The following ADCY1 variants were observed in gnomAD, a reference collection of about 807,000 sequenced individuals.
ADCY1 encodes adenylate cyclase 1, also known as adenylate cyclase type 1.
Under a neutral mutation model 105.4 loss-of-function variants are expected in ADCY1, and 28 were observed. That is an observed-to-expected ratio of 0.27 (90% CI 0.20 to 0.36). The LOEUF is 0.36. ADCY1 is among the 10% of genes least tolerant of loss of function. The probability of loss-of-function intolerance (pLI) is 1.00; values close to 1 mark genes in which losing one functional copy is unlikely to be tolerated. For synonymous variants in ADCY1, 655 were observed against 623.8 expected (o/e 1.05, Z -0.75); for missense variants, 977 against 1,434.2 (o/e 0.68, Z 5.15).
rs1019616508 is a variant in ADCY1, at chr7:45,575,410, G to T, written c.639+228G>T. Among the ~76,000 whole-genome samples, 2 of 152,272 alleles carry T rather than the reference G, an allele frequency of 1.3e-5. No individual in the cohort carries two copies. Among genetic ancestry groups the T allele is most frequent in the African/African-American group, 4.8e-5 (2 of 41,482 alleles). On this transcript the variant is annotated intron_variant, in intron 1 of 19. Transcript: ENST00000297323. This position sits in a 1 kb window ranked among gnomAD's most constrained non-coding sequence, Gnocchi z 4.7. Reference sequence around the variant, plus strand: ...ACAATCCACGAAGCGCCCCTGGCGTGAAGTGTGGAGAGGGGAGACAGGTGT... The same window carrying T: ...ACAATCCACGAAGCGCCCCTGGCGTTAAGTGTGGAGAGGGGAGACAGGTGT...
chr7:45,651,640 T>C (rs1341581101), intron 5 of ADCY1, among the ~76,000 whole-genome samples: 1 of 152,202 alleles, frequency 6.6e-6, no homozygotes, highest in Non-Finnish European at 1.5e-5. Context: ...GTCTGCACTC[T>C]CAACTGCATT....
Position 45,718,081 on chromosome 7 carries a change from G to C in ADCY1, c.*4086G>C, listed in dbSNP as rs1020025878. The C allele has an allele frequency of 6.6e-6, 1 of 152,234 alleles. No homozygotes were observed. Among genetic ancestry groups the C allele is most frequent in the African/African-American group, 2.4e-5 (1 of 41,448 alleles). 9.4% of individuals were successfully genotyped at this position (152,234 alleles called of 1,614,324 possible). Reference sequence around the variant, plus strand: ...TGGGTTGGGCTGCCCAGGCTGGTCAGAGCTCAGCACCCCAGGTCTGGTGAG... The same window carrying C: ...TGGGTTGGGCTGCCCAGGCTGGTCACAGCTCAGCACCCCAGGTCTGGTGAG... On this transcript the variant is annotated 3_prime_UTR_variant, in exon 20 of 20. Transcript: ENST00000297323.
chr7:45,590,315 C>G (rs1792876752), intron 1 of ADCY1, among the ~76,000 whole-genome samples: 1 of 152,300 alleles, frequency 6.6e-6, no homozygotes, highest in Middle Eastern at 3.4e-3. Flanking sequence ...TGGAAAATCT[C>G]CAAGGAAGGT....
intron 8 of ADCY1, among the ~76,000 whole-genome samples, chr7:45,670,874 ACCT>A (rs1481362131): frequency 6.6e-6 from 1 of 152,208 alleles, no homozygotes; most frequent in East Asian, 1.9e-4. Context: ...CTCAAGGTGG[ACCT>A]GTGTCCATCA....
In ADCY1 at chr7:45,575,257, G is replaced by C. The variant is rs912544132; in HGVS notation, c.639+75G>C. The stretch of plus-strand genomic sequence containing the variant: ...ACGATGCTGGGAATGCCCGGAGTCG[G>C]GCGCGCTTTTTCCTATGCGGCGGGT... On this transcript the variant is annotated intron_variant, in intron 1 of 19. Transcript: ENST00000297323. This position sits in a 1 kb window ranked among gnomAD's most constrained non-coding sequence, Gnocchi z 4.7. 4.0e-6 allele frequency: 6 copies of C among 1,498,064 alleles called. No homozygotes were observed. The African/African-American group carries it at 8.4e-5, about 21-fold the overall frequency. The allele number at this position is 1,498,064 out of a possible 1,614,324, so 92.8% of individuals were successfully genotyped here.
intron 14 of ADCY1, among the ~76,000 whole-genome samples, chr7:45,688,381 C>A (rs1368286958): frequency 6.6e-6 from 1 of 152,156 alleles, no homozygotes; most frequent in Admixed American, 6.5e-5. Context: ...CAGCCTGTTA[C>A]TCTGTGATGA....
intron 8 of ADCY1, among the ~76,000 whole-genome samples, chr7:45,667,613 C>T (rs1171329242): frequency 6.6e-6 from 1 of 152,170 alleles, no homozygotes; most frequent in Admixed American, 6.5e-5. Flanking sequence ...GCGATGTGGG[C>T]TCTTTTTTGG....
rs527391836 is a variant in ADCY1, at chr7:45,691,850, C to T, written c.2454+5177C>T. ...AGAAGCTAAGTTAGAGACCTGGTTC[C>T]ACCTCTTACTCTGGTCACTTGTCTT... On this transcript the variant is annotated intron_variant, in intron 14 of 19. Transcript: ENST00000297323. Among the ~76,000 whole-genome samples, 98 of 152,288 alleles carry T rather than the reference C, an allele frequency of 6.4e-4. 3 individuals carry two copies. The South Asian group carries it at 0.02, about 31-fold the overall frequency.
rs912607933 is a variant in ADCY1, at chr7:45,595,981, T to C, written c.789+3073T>C. ...GTCAGTGCAGGGAGCCTTGTCTCTT[T>C]GGGATGGCAGAGGGGAGCACTTGGG... On this transcript the variant is annotated intron_variant, in intron 2 of 19. Coordinates refer to ENST00000297323, the MANE Select transcript of ADCY1 (RefSeq NM_021116.4). Among the ~76,000 whole-genome samples the C allele has an allele frequency of 3.9e-5, 6 of 152,240 alleles. No homozygotes were observed. In the South Asian group the frequency reaches 1.0e-3, roughly 26 times the overall value.
At chr7:45,664,462 C>T (rs1795216606) in intron 8 of ADCY1, 1 of 1,519,934 alleles carries the variant, frequency 6.6e-7, no homozygotes, top group Non-Finnish European at 8.8e-7. Flanking sequence ...GCATTCACGC[C>T]AGCTCTGTTC....
intron 6 of ADCY1, among the ~76,000 whole-genome samples, chr7:45,659,053 C>T (rs1256136814): frequency 6.6e-6 from 1 of 152,208 alleles, no homozygotes; most frequent in Admixed American, 6.5e-5. Context: ...CCTGTGCTGC[C>T]CTCTGGCCCC....
chr7:45,698,902 T>G (rs1269147032), intron 14 of ADCY1, among the ~76,000 whole-genome samples: 1 of 152,236 alleles, frequency 6.6e-6, no homozygotes, highest in Non-Finnish European at 1.5e-5. Context: ...TGACCCCTGG[T>G]AGGCTCAGGT....
intron 4 of ADCY1, among the ~76,000 whole-genome samples, chr7:45,645,094 T>C (rs1442394461): frequency 6.6e-6 from 1 of 152,114 alleles, no homozygotes; most frequent in East Asian, 1.9e-4. Context: ...ACAAGTGTTC[T>C]GGACAATTTC....
At chr7:45,711,744 C>T (rs950583333) in intron 19 of ADCY1, among the ~76,000 whole-genome samples, 5 of 135,714 alleles carry the variant, frequency 3.7e-5, no homozygotes, top group Admixed American at 2.3e-4. Flanking sequence ...TGTATATATA[C>T]GTGTGTGTAT....
intron 5 of ADCY1, among the ~76,000 whole-genome samples, chr7:45,652,088 TCTC>T (rs1794826244): frequency 6.6e-6 from 1 of 152,076 alleles, no homozygotes; most frequent in Admixed American, 6.5e-5. Flanking sequence ...AAGCACGTCT[TCTC>T]ATGGCGGCAG....
intron 5 of ADCY1, among the ~76,000 whole-genome samples, chr7:45,655,425 A>G (rs1445129294): frequency 6.6e-6 from 1 of 152,242 alleles, no homozygotes; most frequent in African/African-American, 2.4e-5. Context: ...CATAGTACAA[A>G]TAAAGCCAAG....
At chr7:45,604,949 C>A (rs1793335140) in intron 2 of ADCY1, among the ~76,000 whole-genome samples, 1 of 152,094 alleles carries the variant, frequency 6.6e-6, no homozygotes, top group Non-Finnish European at 1.5e-5. Context: ...TCTTCCAATC[C>A]ATGAACATGG....
At chr7:45,588,051 C>T (rs2115752320) in intron 1 of ADCY1, among the ~76,000 whole-genome samples, 1 of 152,238 alleles carries the variant, frequency 6.6e-6, no homozygotes, top group Non-Finnish European at 1.5e-5. Flanking sequence ...CAAATTTTTG[C>T]CTATTCATCT....
At chr7:45,607,387 C>T (rs1793405092) in intron 2 of ADCY1, among the ~76,000 whole-genome samples, 1 of 152,024 alleles carries the variant, frequency 6.6e-6, no homozygotes, top group Non-Finnish European at 1.5e-5. Flanking sequence ...GCTGTTATGA[C>T]TGTGTTCCCA....
Sources: allele counts gnomAD v4.1 joint callset (sites outside exome capture counted in the v4.1 genomes callset), GRCh38; gene constraint gnomAD v4.1.1; non-coding constraint Gnocchi (gnomAD v3.1); transcripts MANE v1.5; gene names NCBI Gene and HGNC (gene_info 2026-07-23, HGNC 2026-07-21).